Variants in SLC25A48 observed in about 807,000 individuals in gnomAD.
SLC25A48 encodes the protein CTC-321K16.1.
A neutral mutation model predicts 32.2 loss-of-function variants in SLC25A48; 29 were observed. The ratio of observed to expected loss-of-function variants is 0.90; its 90% CI spans 0.67 to 1.23. The LOEUF (loss-of-function observed/expected upper bound fraction) is 1.23. SLC25A48 is among the 50% of genes most tolerant of loss of function. The probability of loss-of-function intolerance (pLI) is 0.00; values close to 1 mark genes in which losing one functional copy is unlikely to be tolerated. For synonymous variants in SLC25A48, 164 were observed against 172.3 expected (o/e 0.95, Z 0.38); for missense variants, 399 against 422.7 (o/e 0.94, Z 0.49).
At chr5:135,648,201 G>C (rs571417920) in intron 3 of SLC25A48, among the ~76,000 whole-genome samples, 1 of 152,286 alleles carries the variant, frequency 6.6e-6, no homozygotes, top group Admixed American at 6.5e-5. Flanking sequence ...ACCTGCTCTT[G>C]GGCTGCCTCT....
At chr5:135,837,361 ATATC>A (rs1291461170) in intron 1 of SLC25A48, among the ~76,000 whole-genome samples, 2 of 152,066 alleles carry the variant, frequency 1.3e-5, no homozygotes, top group African/African-American at 4.8e-5. Flanking sequence ...GTCCCTATAA[ATATC>A]TAATATTCCA....
chr5:135,833,659 C>T (rs557470034), upstream of SLC25A48, among the ~76,000 whole-genome samples: 50 of 152,224 alleles, frequency 3.3e-4, no homozygotes, highest in South Asian at 3.5e-3. Flanking sequence ...GCCAGGCCGG[C>T]GACTCCATCC....
At chr5:135,826,513 A>G (rs1025491061) in intron 4 of SLC25A48, 7 of 152,272 alleles carry the variant, frequency 4.6e-5, no homozygotes, top group African/African-American at 1.7e-4. Context: ...TGAACAACTG[A>G]AGGGTGCAGA....
intron 3 of SLC25A48, among the ~76,000 whole-genome samples, chr5:135,678,790 G>C (rs1276209469): frequency 2.6e-5 from 4 of 152,130 alleles, no homozygotes; most frequent in Non-Finnish European, 5.9e-5. Flanking sequence ...ATTTTTTTCA[G>C]CTGTAAACAG....
intron 3 of SLC25A48, among the ~76,000 whole-genome samples, chr5:135,668,550 C>T (rs188761304): frequency 5.9e-4 from 90 of 152,348 alleles, no homozygotes; most frequent in African/African-American, 1.9e-3. Context: ...CGAACACCTA[C>T]ATGAGCCTGA....
At chr5:135,804,722 A>C (rs1757423855) in intron 3 of SLC25A48, among the ~76,000 whole-genome samples, 1 of 151,682 alleles carries the variant, frequency 6.6e-6, no homozygotes, top group Non-Finnish European at 1.5e-5. Flanking sequence ...TATCATAGAA[A>C]TATATTACTC....
chr5:135,603,544 G>A (rs1421219737), intron 1 of SLC25A48, among the ~76,000 whole-genome samples: 7 of 152,192 alleles, frequency 4.6e-5, no homozygotes, highest in Non-Finnish European at 1.0e-4. Flanking sequence ...CCCTCTGACG[G>A]CCCCTCCCTG....
At chr5:135,874,917 T>C in intron 6 of SLC25A48, 1 of 453,322 alleles carries the variant, frequency 2.2e-6, no homozygotes, top group South Asian at 4.7e-5. Context: ...GGGTTCAAAG[T>C]CAGATGTAGC....
At chr5:135,602,610 C>T (rs199733753) in intron 1 of SLC25A48, among the ~76,000 whole-genome samples, 6 of 134,840 alleles carry the variant, frequency 4.4e-5, no homozygotes, top group African/African-American at 8.7e-5. Context: ...TTTTTTTTTT[C>T]TTTCTTTTTT....
intron 3 of SLC25A48, among the ~76,000 whole-genome samples, chr5:135,691,670 G>A (rs964291218): frequency 6.6e-6 from 1 of 152,190 alleles, no homozygotes; most frequent in African/African-American, 2.4e-5. Flanking sequence ...CTTTTTGCAA[G>A]ATTCCTTATT....
At chr5:135,802,200 C>G (rs188779662) in intron 3 of SLC25A48, among the ~76,000 whole-genome samples, 29 of 151,752 alleles carry the variant, frequency 1.9e-4, no homozygotes, top group Non-Finnish European at 3.1e-4. Flanking sequence ...TTATACTATT[C>G]ATTATATCAT....
chr5:135,687,193 T>G (rs1222697453), intron 3 of SLC25A48, among the ~76,000 whole-genome samples: 1 of 151,492 alleles, frequency 6.6e-6, no homozygotes, highest in Non-Finnish European at 1.5e-5. Context: ...TACTCTGACA[T>G]TAAAGAATCT....
At chr5:135,749,749 G>A (rs943558246) in intron 3 of SLC25A48, among the ~76,000 whole-genome samples, 1 of 152,014 alleles carries the variant, frequency 6.6e-6, no homozygotes. Flanking sequence ...ACACCACCAC[G>A]CTGGGCTAAT....
intron 3 of SLC25A48, among the ~76,000 whole-genome samples, chr5:135,795,922 T>A (rs1757159967): frequency 7.0e-6 from 1 of 142,842 alleles, no homozygotes; most frequent in African/African-American, 2.6e-5. Flanking sequence ...GTGATATTAC[T>A]CCCCATATCG....
intron 3 of SLC25A48, among the ~76,000 whole-genome samples, chr5:135,748,292 AT>A (rs1235738566): frequency 6.6e-6 from 1 of 152,166 alleles, no homozygotes; most frequent in African/African-American, 2.4e-5. Flanking sequence ...GATGCAAGTT[AT>A]TCTTTTTATT....
At chr5:135,852,481 C>A (rs372988699) in intron 3 of SLC25A48, 82 bp from the exon 4 acceptor site, 1 of 1,497,660 alleles carries the variant, frequency 6.7e-7, no homozygotes. Flanking sequence ...CAGATGTGTC[C>A]GGTGGTGTAC....
intron 1 of SLC25A48, among the ~76,000 whole-genome samples, chr5:135,840,637 G>T (rs539053031): frequency 6.6e-6 from 1 of 152,234 alleles, no homozygotes; most frequent in South Asian, 2.1e-4. Flanking sequence ...GCCTATTCTG[G>T]GTAATTCATA....
intron 1 of SLC25A48, among the ~76,000 whole-genome samples, chr5:135,605,454 C>CCT: frequency 6.6e-6 from 1 of 152,300 alleles, no homozygotes; most frequent in South Asian, 2.1e-4. Context: ...TTGGGGAGAA[C>CCT]CTCTGGGTGT....
At chr5:135,752,719 T>C (rs1320265296) in intron 3 of SLC25A48, among the ~76,000 whole-genome samples, 2 of 152,122 alleles carry the variant, frequency 1.3e-5, no homozygotes, top group African/African-American at 4.8e-5. Flanking sequence ...CTCCCTATGA[T>C]ATTAAGATTA....
Sources: gnomAD v4.1 joint callset for allele counts (sites outside exome capture counted in the v4.1 genomes callset) on GRCh38, gnomAD v4.1.1 for gene constraint, MANE v1.5 for transcripts, NCBI Gene and HGNC (gene_info 2026-07-23, HGNC 2026-07-21) for gene names.